Variants in BMP5 observed in about 807,000 individuals in gnomAD.
BMP5 encodes bone morphogenetic protein 5.
In BMP5, 23 loss-of-function variants were observed where a neutral mutation model predicts 46.6. That is an observed-to-expected ratio of 0.49 (90% confidence interval 0.35 to 0.70). The LOEUF (loss-of-function observed/expected upper bound fraction) is 0.70. BMP5 is among the 30% of genes least tolerant of loss of function. BMP5 has a pLI of 0.00. For synonymous variants in BMP5, 204 were observed against 191.9 expected, an observed-to-expected ratio of 1.06 and a Z score of -0.52; for missense variants, 545 against 565.6, an observed-to-expected ratio of 0.96 and a Z score of 0.37.
chr6:55,754,339 C>T lies in BMP5; in HGVS notation c.*1194G>A, dbSNP rs1333745156. 1 of 151,840 alleles carries T rather than the reference C, an allele frequency of 6.6e-6. No homozygotes were observed. Among genetic ancestry groups the T allele is most frequent in the Admixed American group, 6.6e-5 (1 of 15,204 alleles). 9.4% of individuals were successfully genotyped at this position (151,840 alleles called of 1,614,324 possible). ...GCACACACAGACACACACACACACA[C>T]ACACACAACAGAACCTTCCTGTTTG... On this transcript the variant is annotated 3_prime_UTR_variant, in exon 7 of 7. Transcript: ENST00000370830.
intron 1 of BMP5, among the ~76,000 whole-genome samples, chr6:55,833,864 G>A (rs1582103411): frequency 6.6e-6 from 1 of 152,170 alleles, no homozygotes; most frequent in African/African-American, 2.4e-5. Context: ...ATATTCAGAA[G>A]TCCTACAATG....
chr6:55,756,872 A>G (rs1356625599), intron 6 of BMP5, among the ~76,000 whole-genome samples: 31 of 151,726 alleles, frequency 2.0e-4, no homozygotes, highest in South Asian at 6.2e-4. Flanking sequence ...AGCCTAACGG[A>G]AAAAAAATGG....
At chr6:55,866,365 A>T (rs1777639810) in intron 1 of BMP5, among the ~76,000 whole-genome samples, 1 of 152,196 alleles carries the variant, frequency 6.6e-6, no homozygotes, top group African/African-American at 2.4e-5. Context: ...GGTCTGCCAG[A>T]GGAGAATAAA....
At chr6:55,850,969 A>G (rs985011831) in intron 1 of BMP5, among the ~76,000 whole-genome samples, 1 of 152,184 alleles carries the variant, frequency 6.6e-6, no homozygotes, top group South Asian at 2.1e-4. Flanking sequence ...ATAGCAGTTG[A>G]ATGGTAAAAG....
At chr6:55,762,636 T>C (rs914869953) in intron 4 of BMP5, among the ~76,000 whole-genome samples, 5 of 152,100 alleles carry the variant, frequency 3.3e-5, no homozygotes, top group South Asian at 2.1e-4. Flanking sequence ...ACTTTAACAC[T>C]AAACATGAAA....
intron 1 of BMP5, among the ~76,000 whole-genome samples, chr6:55,858,326 A>C (rs1777448469): frequency 6.6e-6 from 1 of 152,186 alleles, no homozygotes; most frequent in Admixed American, 6.5e-5. Context: ...AAAATTCTTA[A>C]ATATCTGGAA....
intron 2 of BMP5, 87 bp downstream of exon 2, chr6:55,819,567 GT>G: frequency 9.3e-7 from 1 of 1,078,572 alleles, no homozygotes; most frequent in Middle Eastern, 2.8e-4. Flanking sequence ...AAAATAATTT[GT>G]TTGATAGATC....
At chr6:55,784,794 T>C (rs753374667) in intron 3 of BMP5, among the ~76,000 whole-genome samples, 1 of 151,894 alleles carries the variant, frequency 6.6e-6, no homozygotes, top group Non-Finnish European at 1.5e-5. Flanking sequence ...CTTATAATCA[T>C]TTTTAATGGC....
intron 4 of BMP5, among the ~76,000 whole-genome samples, chr6:55,770,375 A>T (rs903558810): frequency 1.3e-5 from 2 of 151,934 alleles, no homozygotes; most frequent in Non-Finnish European, 2.9e-5. Context: ...TGCTACTTTC[A>T]GACTTTTCTT....
At chr6:55,759,343 A>C (rs1774709462) in intron 5 of BMP5, among the ~76,000 whole-genome samples, 1 of 151,618 alleles carries the variant, frequency 6.6e-6, no homozygotes, top group Admixed American at 6.6e-5. Flanking sequence ...TTAGGACAAA[A>C]GTATAAATAT....
intron 2 of BMP5, among the ~76,000 whole-genome samples, chr6:55,815,943 A>G (rs1292401142): frequency 1.3e-5 from 2 of 152,142 alleles, no homozygotes; most frequent in South Asian, 2.1e-4. Context: ...GAGCTTCATT[A>G]GATGACATTA....
chr6:55,851,832 A>G (rs3798825), intron 1 of BMP5, among the ~76,000 whole-genome samples: 72,584 of 151,958 alleles, frequency 0.48, 18,068 homozygotes, highest in African/African-American at 0.59. Context: ...TAAATCACAG[A>G]AAAGATTCCT....
chr6:55,813,368 G>A (rs1006735428), intron 2 of BMP5, among the ~76,000 whole-genome samples: 3 of 151,810 alleles, frequency 2.0e-5, no homozygotes, highest in East Asian at 3.9e-4. Context: ...TATTTGATGG[G>A]TTCCTTCAAT....
chr6:55,815,108 G>A (rs1265568493), intron 2 of BMP5, among the ~76,000 whole-genome samples: 2 of 147,688 alleles, frequency 1.4e-5, no homozygotes, highest in Non-Finnish European at 3.0e-5. Flanking sequence ...ACTCCAGCTT[G>A]GGCAACAAGA....
intron 3 of BMP5, among the ~76,000 whole-genome samples, chr6:55,792,960 A>G (rs777122118): frequency 2.4e-4 from 36 of 152,306 alleles, no homozygotes; most frequent in Middle Eastern, 6.8e-3. Context: ...GTCCCTGGTG[A>G]TAACATTTTT....
At chr6:55,835,497 C>T (rs1241831537) in intron 1 of BMP5, among the ~76,000 whole-genome samples, 1 of 152,250 alleles carries the variant, frequency 6.6e-6, no homozygotes, top group South Asian at 2.1e-4. Context: ...TAGCTCTATT[C>T]GTATTTACTG....
In BMP5 at chr6:55,794,261, A is replaced by G; in HGVS notation, c.832+18T>C. The G allele has an allele frequency of 1.9e-6, 3 of 1,613,660 alleles. No individual in the cohort carries two copies. The highest frequency in any genetic ancestry group is 2.5e-6 in the Non-Finnish European group (3 of 1,179,750). ...TCAAACAAGCTTCACAAAAAAATATATAAAATTCAGTGCTTACCATCCCCT... is the reference window on the plus strand; with the variant it reads ...TCAAACAAGCTTCACAAAAAAATATGTAAAATTCAGTGCTTACCATCCCCT... On this transcript the variant is annotated intron_variant, in intron 3 of 6. Coordinates refer to ENST00000370830, the MANE Select transcript of BMP5 (RefSeq NM_021073.4).
intron 2 of BMP5, among the ~76,000 whole-genome samples, chr6:55,804,963 A>C (rs1775952401): frequency 6.6e-6 from 1 of 152,214 alleles, no homozygotes; most frequent in East Asian, 1.9e-4. Context: ...TTCTGGAATA[A>C]GCAAATGCTT....
chr6:55,821,231 A>G (rs2127539089), intron 1 of BMP5, among the ~76,000 whole-genome samples: 1 of 152,214 alleles, frequency 6.6e-6, no homozygotes, highest in Admixed American at 6.5e-5. Context: ...GGAACCCACA[A>G]TGCTTTGCCT....
Sources: allele counts gnomAD v4.1 joint callset (sites outside exome capture counted in the v4.1 genomes callset), GRCh38; gene constraint gnomAD v4.1.1; transcripts MANE v1.5; gene names NCBI Gene and HGNC (gene_info 2026-07-23, HGNC 2026-07-21).